SH3TC2: variants seen among roughly 807,000 people sequenced by gnomAD.
The protein encoded by SH3TC2 is SH3 domain and tetratricopeptide repeats 2, also known as SH3 domain and tetratricopeptide repeat-containing protein 2.
In SH3TC2, 87 loss-of-function variants were observed where a neutral mutation model predicts 124.5. The observed-to-expected ratio is 0.70, with a 90% CI of 0.59 to 0.84. The LOEUF (loss-of-function observed/expected upper bound fraction) is 0.84. Ranked by LOEUF, SH3TC2 falls within the 40% of genes least tolerant of loss-of-function variation. The pLI, the probability that SH3TC2 is intolerant of heterozygous loss-of-function variation, is 0.00. For synonymous variants in SH3TC2, 634 were observed against 628.5 expected (o/e 1.01, Z -0.13); for missense variants, 1,536 against 1,566.4 (o/e 0.98, Z 0.33).
In SH3TC2 at chr5:148,991,177, T is replaced by G. The variant is rs1478385939; in HGVS notation, c.*13534A>C. Among the ~76,000 whole-genome samples the G allele has an allele frequency of 6.6e-6, 1 of 152,134 alleles. No individual in the cohort carries two copies. Among genetic ancestry groups the G allele is most frequent in the Non-Finnish European group, 1.5e-5 (1 of 68,030 alleles). ...CAATAACTACACATGGGGTAGAAAT[T>G]AACATATGTAGAGGACTTTTTCTTC... On this transcript the variant is annotated 3_prime_UTR_variant, in exon 17 of 17. Coordinates refer to ENST00000515425, the MANE Select transcript of SH3TC2 (RefSeq NM_024577.4).
intron 12 of SH3TC2, among the ~76,000 whole-genome samples, chr5:149,022,058 A>AAGGAATAT (rs1344333355): frequency 2.0e-4 from 30 of 152,188 alleles, no homozygotes; most frequent in Admixed American, 1.5e-3. Context: ...ATTGAAGAGG[A>AAGGAATAT]AGGAATATTT....
At chr5:149,055,616 A>C (rs1360878378) in intron 1 of SH3TC2, among the ~76,000 whole-genome samples, 1 of 152,202 alleles carries the variant, frequency 6.6e-6, no homozygotes, top group African/African-American at 2.4e-5. Flanking sequence ...TATCCTTGGA[A>C]AGCTGACAGT....
rs1753413151 is a variant in SH3TC2, at chr5:148,991,101, A to G, written c.*13610T>C. 6.6e-6 allele frequency among the ~76,000 whole-genome samples: 1 copy of G among 152,204 alleles called. No homozygotes were observed. The highest frequency in any genetic ancestry group is 2.1e-4 in the South Asian group (1 of 4,832). ...AAACCCCAATCCCTCAGAAGCCCCA[A>G]AACGTTTAATATGACCCTTTAAAAC... is the stretch of plus-strand genomic sequence containing the variant. On this transcript the variant is annotated 3_prime_UTR_variant, in exon 17 of 17. Transcript: ENST00000515425.
chr5:149,013,614 G>A (rs971370521), intron 12 of SH3TC2, among the ~76,000 whole-genome samples: 7 of 152,210 alleles, frequency 4.6e-5, no homozygotes, highest in African/African-American at 1.7e-4. Flanking sequence ...AATCAAAGTA[G>A]AGTGAAAGTT....
In SH3TC2 at chr5:149,027,369, T is replaced by C; in HGVS notation, c.2363A>G (p.Gln788Arg). 1 of 1,614,086 alleles carries C rather than the reference T, an allele frequency of 6.2e-7. No individual in the cohort carries two copies. The highest frequency in any genetic ancestry group is 8.5e-7 in the Non-Finnish European group (1 of 1,179,992). ...HYLSQALVLGQLLGEQESFES... is the reference protein window; with the variant it reads ...HYLSQALVLGRLLGEQESFES... ...AAAGGATTCCTGCTCACCCAGCAGCTGCCCTAGCACCAAGGCCTGGCTCAG... is the reference window on the plus strand; with the variant it reads ...AAAGGATTCCTGCTCACCCAGCAGCCGCCCTAGCACCAAGGCCTGGCTCAG... The change falls in exon 11 of 17, where the codon CAG becomes CGG. Residue 788 changes from glutamine (Q) to arginine (R), a missense_variant. Physicochemically the swap from Gln to Arg is conservative, Grantham distance 43. This residue lies in a region of SH3TC2 where 1,102 missense variants were observed against 1,098.6 expected (regional missense o/e 1.00). Coordinates refer to ENST00000515425, the MANE Select transcript of SH3TC2 (RefSeq NM_024577.4).
chr5:149,019,314 A>G (rs1278243974), intron 12 of SH3TC2, among the ~76,000 whole-genome samples: 3 of 151,848 alleles, frequency 2.0e-5, no homozygotes, highest in Middle Eastern at 3.4e-3. Context: ...AATGTTCTGT[A>G]GGAGAAGGTG....
At chr5:149,035,678 C>T (rs960492091) in intron 8 of SH3TC2, 1 of 152,264 alleles carries the variant, frequency 6.6e-6, no homozygotes, top group African/African-American at 2.4e-5. Context: ...CTCATTTTCC[C>T]CTTCGGTACC....
rs1273642202 is a variant in SH3TC2 at position 149,028,474 on chromosome 5, T to TG, written c.1257dup (p.Ser420GlnfsTer4). The TG allele has an allele frequency of 6.2e-7, 1 of 1,612,572 alleles. No individual in the cohort carries two copies. The highest frequency in any genetic ancestry group is 8.5e-7 in the Non-Finnish European group (1 of 1,179,098). ...TCCAGGCTGGAGTCCTCAGAGCTGC[T>TG]GGACTGTCTGGACCCCACGGCCTGA... On this transcript the variant is annotated frameshift_variant, in exon 11 of 17. Transcript: ENST00000515425. LOFTEE classifies it high-confidence loss of function.
At chr5:149,049,713 G>A (rs186900672) in intron 2 of SH3TC2, among the ~76,000 whole-genome samples, 2 of 152,042 alleles carry the variant, frequency 1.3e-5, no homozygotes, top group East Asian at 3.9e-4. Context: ...AGCACAGGAG[G>A]CTGAGGTCAC....
chr5:149,031,025 C>T (rs1754182708), intron 9 of SH3TC2, among the ~76,000 whole-genome samples: 1 of 152,218 alleles, frequency 6.6e-6, no homozygotes. Flanking sequence ...CCAAGACTAA[C>T]ACACCCAACA....
intron 12 of SH3TC2, 80 bp from the exon 13 acceptor site, chr5:149,012,814 C>G: frequency 6.5e-7 from 1 of 1,527,844 alleles, no homozygotes; most frequent in Non-Finnish European, 9.0e-7. Flanking sequence ...GAAACAGAAG[C>G]TCTGAGCAGG....
intron 1 of SH3TC2, among the ~76,000 whole-genome samples, chr5:149,056,063 A>G (rs1212730379): frequency 1.3e-5 from 2 of 152,026 alleles, no homozygotes; most frequent in Non-Finnish European, 2.9e-5. Context: ...TAAATGGTAA[A>G]TTTTTTTTAA....
intron 12 of SH3TC2, among the ~76,000 whole-genome samples, chr5:149,024,236 T>C (rs962583139): frequency 2.0e-5 from 3 of 152,208 alleles, no homozygotes; most frequent in Admixed American, 6.5e-5. Flanking sequence ...TGTCAGCATA[T>C]AGCTTCAGCT....
In SH3TC2 at chr5:149,026,849, G is replaced by C; in HGVS notation, c.2872+11C>G. 3 of 1,614,174 alleles carry C rather than the reference G, an allele frequency of 1.9e-6. No individual in the cohort carries two copies. The highest frequency in any genetic ancestry group is 8.5e-7 in the Non-Finnish European group (1 of 1,180,034). The stretch of plus-strand genomic sequence containing the variant: ...TCTCTATAGCTTCCCAGCAGCATGG[G>C]ACATACTTACTCTTTAGATGTCGAT... On this transcript the variant is annotated intron_variant, in intron 11 of 16. Coordinates refer to ENST00000515425, the MANE Select transcript of SH3TC2 (RefSeq NM_024577.4).
At chr5:149,061,420 G>A (rs36043) in intron 1 of SH3TC2, among the ~76,000 whole-genome samples, 38,817 of 151,986 alleles carry the variant, frequency 0.26, 5,745 homozygotes, top group African/African-American at 0.39. Flanking sequence ...GGAGGCCCAG[G>A]GAGAGCGCGA....
intron 12 of SH3TC2, among the ~76,000 whole-genome samples, chr5:149,024,514 G>C (rs1455314872): frequency 6.6e-6 from 1 of 152,232 alleles, no homozygotes; most frequent in Non-Finnish European, 1.5e-5. Flanking sequence ...TGAATATTCA[G>C]TGTCAGAATA....
intron 12 of SH3TC2, among the ~76,000 whole-genome samples, chr5:149,017,720 C>T (rs1000505441): frequency 6.6e-5 from 10 of 152,108 alleles, no homozygotes; most frequent in African/African-American, 2.4e-4. Context: ...AAAACGAGGC[C>T]CCTCCATACA....
chr5:149,046,929 C>A (rs1403742208), intron 3 of SH3TC2: 2 of 152,188 alleles, frequency 1.3e-5, no homozygotes, highest in African/African-American at 4.8e-5. Context: ...TCGTTTTCCC[C>A]CTGAAAAACC....
In SH3TC2 at chr5:149,044,140, C is replaced by T. The variant is rs147780072; in HGVS notation, c.385+393G>A. ...ATGCAATAAAACATCTGGAACTTTGCTATTGACTATGTTGAGCAGCTACTT... is the reference window on the plus strand; with the variant it reads ...ATGCAATAAAACATCTGGAACTTTGTTATTGACTATGTTGAGCAGCTACTT... On this transcript the variant is annotated intron_variant, in intron 4 of 16. Coordinates refer to ENST00000515425, the MANE Select transcript of SH3TC2 (RefSeq NM_024577.4). 23 of 200,876 alleles carry T rather than the reference C, an allele frequency of 1.1e-4. No individual in the cohort carries two copies. In the East Asian group the frequency reaches 2.3e-3, roughly 20 times the overall value. 12.4% of individuals were successfully genotyped at this position (200,876 alleles called of 1,614,324 possible). A position where few individuals can be genotyped will look rare whatever the true frequency, so the allele number is the denominator to read the frequency against.
Sources: gnomAD v4.1 joint callset for allele counts (sites outside exome capture counted in the v4.1 genomes callset) on GRCh38, gnomAD v4.1.1 for gene constraint, gnomAD v4.1.1 regional missense constraint, MANE v1.5 for transcripts, NCBI Gene and HGNC (gene_info 2026-07-23, HGNC 2026-07-21) for gene names.